The following PRKG1 variants were observed in gnomAD, a reference collection of about 807,000 sequenced individuals.
The protein encoded by PRKG1 is protein kinase cGMP-dependent 1, also known as cGMP-dependent protein kinase 1.
In PRKG1, 35 loss-of-function variants were observed where a neutral mutation model predicts 88.1. That is an observed-to-expected ratio of 0.40 (90% CI 0.30 to 0.53). The LOEUF (loss-of-function observed/expected upper bound fraction) is 0.53, where lower values mean the gene tolerates loss of function less well. PRKG1 is among the 20% of genes least tolerant of loss of function. PRKG1 has a pLI of 0.59. For synonymous variants in PRKG1, 303 were observed against 292.5 expected (o/e 1.04, Z -0.37); for missense variants, 540 against 839.8 (o/e 0.64, Z 4.41).
intron 5 of PRKG1, among the ~76,000 whole-genome samples, chr10:51,944,274 C>G (rs1034486939): frequency 6.6e-6 from 1 of 151,870 alleles, no homozygotes; most frequent in Non-Finnish European, 1.5e-5. Context: ...GATGGCAGTT[C>G]GTATTTCTGC....
intron 4 of PRKG1, among the ~76,000 whole-genome samples, chr10:51,809,198 CTG>C (rs1478736129): frequency 1.3e-5 from 2 of 151,834 alleles, no homozygotes; most frequent in Non-Finnish European, 2.9e-5. Context: ...AACTGTGATT[CTG>C]TCTCTTTAAT....
intron 9 of PRKG1, among the ~76,000 whole-genome samples, chr10:52,222,390 A>G (rs1200127655): frequency 1.3e-5 from 2 of 152,312 alleles, no homozygotes; most frequent in East Asian, 3.9e-4. Flanking sequence ...CAAGCCTACT[A>G]TAATGACATG....
intron 5 of PRKG1, among the ~76,000 whole-genome samples, chr10:51,975,596 A>G (rs911775656): frequency 6.6e-6 from 1 of 152,136 alleles, no homozygotes; most frequent in African/African-American, 2.4e-5. Flanking sequence ...AAATGTATGT[A>G]TATTTATAAG....
At chr10:52,018,642 G>A (rs910320122) in intron 5 of PRKG1, among the ~76,000 whole-genome samples, 9 of 152,158 alleles carry the variant, frequency 5.9e-5, no homozygotes, top group African/African-American at 2.2e-4. Context: ...TTCTGGGAAT[G>A]AGGTGGCTAA....
At chr10:51,814,575 G>A (rs10823640) in intron 4 of PRKG1, among the ~76,000 whole-genome samples, 32,570 of 151,932 alleles carry the variant, frequency 0.21, 5,610 homozygotes, top group African/African-American at 0.48. Flanking sequence ...GTTTTAATTT[G>A]AAGGGAAATA....
intron 5 of PRKG1, among the ~76,000 whole-genome samples, chr10:52,022,471 C>A (rs959275798): frequency 6.6e-6 from 1 of 152,166 alleles, no homozygotes; most frequent in Non-Finnish European, 1.5e-5. Flanking sequence ...TAAAATTTAA[C>A]ATTCAACAAT....
At chr10:51,856,061 C>A (rs1222978094) in intron 4 of PRKG1, among the ~76,000 whole-genome samples, 1 of 152,140 alleles carries the variant, frequency 6.6e-6, no homozygotes, top group East Asian at 1.9e-4. Flanking sequence ...CTGGTCACAT[C>A]CCTTCAATCT....
intron 4 of PRKG1, among the ~76,000 whole-genome samples, chr10:51,900,083 G>C (rs1841947479): frequency 6.6e-6 from 1 of 152,092 alleles, no homozygotes; most frequent in African/African-American, 2.4e-5. Context: ...AGAATCATTA[G>C]CCCATAGAAA....
At chr10:52,115,198 A>C (rs1011365064) in intron 7 of PRKG1, among the ~76,000 whole-genome samples, 3 of 152,050 alleles carry the variant, frequency 2.0e-5, no homozygotes, top group Non-Finnish European at 2.9e-5. Flanking sequence ...AAAATAATAG[A>C]CCCAAACAAC....
chr10:51,037,185 CA>C (rs1241410633), intron 1 of PRKG1, among the ~76,000 whole-genome samples: 1 of 152,134 alleles, frequency 6.6e-6, no homozygotes, highest in East Asian at 1.9e-4. Context: ...TGGTTGCTTG[CA>C]CCTGTAATCC....
intron 7 of PRKG1, among the ~76,000 whole-genome samples, chr10:52,096,074 A>C (rs1345152575): frequency 1.3e-5 from 2 of 152,136 alleles, no homozygotes; most frequent in African/African-American, 4.8e-5. Flanking sequence ...CAACATCTGT[A>C]CTTAGAGGCT....
intron 4 of PRKG1, among the ~76,000 whole-genome samples, chr10:51,831,267 A>AT (rs933848193): frequency 2.0e-5 from 3 of 152,034 alleles, no homozygotes; most frequent in Non-Finnish European, 4.4e-5. Flanking sequence ...TTATGTATTT[A>AT]TTTTTTTCTG....
intron 5 of PRKG1, among the ~76,000 whole-genome samples, chr10:52,039,227 TA>T (rs535458723): frequency 1.1e-4 from 17 of 151,828 alleles, no homozygotes; most frequent in Admixed American, 9.8e-4. Flanking sequence ...TGAAGGGAGA[TA>T]GGGGTGGGGC....
intron 2 of PRKG1, among the ~76,000 whole-genome samples, chr10:51,389,213 C>G (rs1837333179): frequency 6.6e-6 from 1 of 152,148 alleles, no homozygotes; most frequent in Non-Finnish European, 1.5e-5. Flanking sequence ...TTTCTTATGA[C>G]CAATTTTCAT....
intron 1 of PRKG1, among the ~76,000 whole-genome samples, chr10:51,006,708 C>T (rs376371864): frequency 1.3e-5 from 2 of 152,178 alleles, no homozygotes; most frequent in East Asian, 3.9e-4. Flanking sequence ...ATGCATTTCA[C>T]GCCCCCTCCC....
intron 2 of PRKG1, among the ~76,000 whole-genome samples, chr10:51,424,428 T>G (rs1006001709): frequency 3.3e-5 from 5 of 152,132 alleles, no homozygotes; most frequent in African/African-American, 1.2e-4. Context: ...TAGATTTTTT[T>G]TAAAAAAGGA....
At chr10:52,157,306 G>GATATATATATATATAT (rs142784154) in intron 8 of PRKG1, among the ~76,000 whole-genome samples, 16 of 125,914 alleles carry the variant, frequency 1.3e-4, no homozygotes, top group African/African-American at 3.4e-4. Flanking sequence ...TGAGTTAGTT[G>GATATATATATATATAT]ATATATATAT....
At chr10:52,272,544 A>C in intron 12 of PRKG1, 63 bp downstream of exon 12, 1 of 1,082,164 alleles carries the variant, frequency 9.2e-7, no homozygotes. Context: ...GGTCTATAAG[A>C]AGAGTTAATA....
intron 2 of PRKG1, among the ~76,000 whole-genome samples, chr10:51,463,527 A>G (rs892608775): frequency 1.3e-5 from 2 of 152,228 alleles, no homozygotes; most frequent in Non-Finnish European, 2.9e-5. Context: ...AGGGAGTATA[A>G]AACTAAAGGA....
Sources: allele counts gnomAD v4.1 joint callset (sites outside exome capture counted in the v4.1 genomes callset), GRCh38; gene constraint gnomAD v4.1.1; transcripts MANE v1.5; gene names NCBI Gene and HGNC (gene_info 2026-07-23, HGNC 2026-07-21).